HSF2BP: variants seen among roughly 807,000 people sequenced by gnomAD.
HSF2BP encodes the protein heat shock transcription factor 2 binding protein.
A neutral mutation model predicts 35.0 loss-of-function variants in HSF2BP; 35 were observed. The observed-to-expected ratio is 1.00, with a 90% confidence interval of 0.76 to 1.32. HSF2BP has a LOEUF of 1.32. Among genes scored for constraint, HSF2BP ranks in the 40% most tolerant of loss-of-function variants. The pLI is 0.00. For missense variants in HSF2BP, 326 were observed against 321.7 expected, an observed-to-expected ratio of 1.01 and a Z score of -0.10; for synonymous variants, 114 against 117.4, an observed-to-expected ratio of 0.97 and a Z score of 0.18.
At chr21:43,584,623 G>T (rs966983503) in intron 8 of HSF2BP, among the ~76,000 whole-genome samples, 2 of 152,080 alleles carry the variant, frequency 1.3e-5, no homozygotes, top group Admixed American at 1.3e-4. Context: ...ACTCTCTTAG[G>T]GACCACCTAG....
chr21:43,578,274 C>T (rs1302455138), intron 8 of HSF2BP, among the ~76,000 whole-genome samples: 1 of 152,128 alleles, frequency 6.6e-6, no homozygotes, highest in Non-Finnish European at 1.5e-5. Flanking sequence ...GAGAGACTTA[C>T]AAATCCTGAT....
chr21:43,643,442 C>T (rs1378007985), intron 4 of HSF2BP, among the ~76,000 whole-genome samples: 1 of 152,124 alleles, frequency 6.6e-6, no homozygotes, highest in Non-Finnish European at 1.5e-5. Context: ...TGAGTTCTTG[C>T]TCTCACAGGA....
intron 4 of HSF2BP, 134 bp from the exon 5 acceptor site, chr21:43,633,555 C>T (rs2082512216): frequency 1.2e-6 from 1 of 831,592 alleles, no homozygotes; most frequent in South Asian, 2.0e-5. Flanking sequence ...CAAATGAAAG[C>T]TAGTCCTAAG....
At chr21:43,588,216 A>G (rs2081881156) in intron 8 of HSF2BP, among the ~76,000 whole-genome samples, 1 of 152,082 alleles carries the variant, frequency 6.6e-6, no homozygotes, top group Admixed American at 6.5e-5. Flanking sequence ...TGTCTCAACT[A>G]AAATTACAAA....
At position 43,658,098 on chromosome 21, in the gene HSF2BP, G is replaced by A. The variant is rs1390583858; in HGVS notation, c.-2C>T. 3 of 1,534,166 alleles carry A rather than the reference G, an allele frequency of 2.0e-6. No individual in the cohort carries two copies. Among genetic ancestry groups the A allele is most frequent in the East Asian group, 2.5e-5 (1 of 40,790 alleles). On this transcript the variant is annotated 5_prime_UTR_variant, in exon 2 of 9. Coordinates refer to ENST00000291560, the MANE Select transcript of HSF2BP (RefSeq NM_007031.2). ...CTCAGCGGCGCCCGCTTCGCCCATG[G>A]CCGCTGCCGCCTCCGCTCCGTTCGC...
At chr21:43,615,764 A>G (rs1027343268) in intron 6 of HSF2BP, among the ~76,000 whole-genome samples, 1 of 152,190 alleles carries the variant, frequency 6.6e-6, no homozygotes, top group Non-Finnish European at 1.5e-5. Context: ...ATATTTTAGG[A>G]GAAAAACAAA....
intron 6 of HSF2BP, among the ~76,000 whole-genome samples, chr21:43,614,942 C>T (rs1209078626): frequency 6.6e-6 from 1 of 152,138 alleles, no homozygotes; most frequent in African/African-American, 2.4e-5. Flanking sequence ...AATTTTATGT[C>T]CCATTGTGGA....
chr21:43,604,914 C>T (rs1265820390), intron 7 of HSF2BP, among the ~76,000 whole-genome samples: 1 of 101,702 alleles, frequency 9.8e-6, no homozygotes, highest in African/African-American at 4.1e-5. Flanking sequence ...ACACACACCA[C>T]AAAGACACAT....
chr21:43,625,917 C>G lies in HSF2BP; in HGVS notation c.574+4405G>C, dbSNP rs2082384305. ...CTCACCAGCATGTCAGCCAGCAATT[C>G]AGGCAGCTCAGATTCACAACCAGCA... is the stretch of plus-strand genomic sequence containing the variant. On this transcript the variant is annotated intron_variant, in intron 6 of 8. Transcript: ENST00000291560. Among the ~76,000 whole-genome samples, 6 of 152,206 alleles carry G rather than the reference C, an allele frequency of 3.9e-5. No individual in the cohort carries two copies. In the South Asian group the frequency reaches 1.2e-3, roughly 31 times the overall value.
chr21:43,646,328 CT>C (rs1399142929), intron 3 of HSF2BP, among the ~76,000 whole-genome samples: 2 of 152,130 alleles, frequency 1.3e-5, no homozygotes, highest in African/African-American at 2.4e-5. Flanking sequence ...AAGCACTATG[CT>C]TTAAAAACTA....
chr21:43,633,015 T>C (rs1213937864), intron 5 of HSF2BP, among the ~76,000 whole-genome samples: 1 of 152,142 alleles, frequency 6.6e-6, no homozygotes, highest in Non-Finnish European at 1.5e-5. Flanking sequence ...CTTAAACACA[T>C]GTAAAGTATT....
chr21:43,608,229 GAAGTT>G (rs1464040375), intron 7 of HSF2BP, among the ~76,000 whole-genome samples: 2 of 152,030 alleles, frequency 1.3e-5, no homozygotes, highest in African/African-American at 2.4e-5. Flanking sequence ...AATCTATAGG[GAAGTT>G]AAGTTAAACA....
intron 6 of HSF2BP, among the ~76,000 whole-genome samples, chr21:43,620,581 C>T (rs1415726476): frequency 6.6e-6 from 1 of 152,098 alleles, no homozygotes; most frequent in Non-Finnish European, 1.5e-5. Context: ...TGTAGTCTTA[C>T]CTACTCAGGA....
Position 43,659,051 on chromosome 21 carries a change from G to T in HSF2BP, c.-225+335C>A, listed in dbSNP as rs1424165635. ...GGCGGCTCAAGCCTGTAATCCCAGCGATCAGGGAGGCCGCCGCGGGAGGAT... is the reference window on the plus strand; with the variant it reads ...GGCGGCTCAAGCCTGTAATCCCAGCTATCAGGGAGGCCGCCGCGGGAGGAT... On this transcript the variant is annotated intron_variant, in intron 1 of 8. Transcript: ENST00000291560. This position sits in a 1 kb window ranked among gnomAD's most constrained non-coding sequence, Gnocchi z 4.2. Among the ~76,000 whole-genome samples, 1 of 152,196 alleles carries T rather than the reference G, an allele frequency of 6.6e-6. No homozygotes were observed. The highest frequency in any genetic ancestry group is 1.5e-5 in the Non-Finnish European group (1 of 68,042).
intron 8 of HSF2BP, among the ~76,000 whole-genome samples, chr21:43,573,916 G>A (rs948739790): frequency 1.3e-5 from 2 of 152,206 alleles, no homozygotes; most frequent in Admixed American, 6.5e-5. Flanking sequence ...CGTTTGCTAA[G>A]TCGTTGGAAA....
intron 7 of HSF2BP, 64 bp downstream of exon 7, chr21:43,613,766 G>T: frequency 1.9e-6 from 2 of 1,052,362 alleles, no homozygotes; most frequent in Non-Finnish European, 2.9e-6. Flanking sequence ...TTGAAGAGAG[G>T]CCCAATCAGC....
At chr21:43,616,383 C>T (rs2082270939) in intron 6 of HSF2BP, among the ~76,000 whole-genome samples, 1 of 152,224 alleles carries the variant, frequency 6.6e-6, no homozygotes, top group Admixed American at 6.5e-5. Context: ...GTGGCTCACG[C>T]CAGTAATCCC....
At chr21:43,623,197 T>C (rs2082351180) in intron 6 of HSF2BP, among the ~76,000 whole-genome samples, 1 of 152,016 alleles carries the variant, frequency 6.6e-6, no homozygotes, top group Non-Finnish European at 1.5e-5. Context: ...TTAAACAACA[T>C]ACACCTGAAC....
chr21:43,625,265 G>A (rs558280022), intron 6 of HSF2BP, among the ~76,000 whole-genome samples: 6 of 152,072 alleles, frequency 3.9e-5, no homozygotes, highest in South Asian at 2.1e-4. Context: ...GAAAAATGAC[G>A]AAAGACAACA....
Sources: gnomAD v4.1 joint callset for allele counts (sites outside exome capture counted in the v4.1 genomes callset) on GRCh38, gnomAD v4.1.1 for gene constraint, Gnocchi (gnomAD v3.1) non-coding constraint, MANE v1.5 for transcripts, NCBI Gene and HGNC (gene_info 2026-07-23, HGNC 2026-07-21) for gene names.